DSP: variants seen among roughly 807,000 people sequenced by gnomAD.
The protein encoded by DSP is desmoplakin.
Under a neutral mutation model 290.6 loss-of-function variants are expected in DSP, and 114 were observed. The ratio of observed to expected loss-of-function variants is 0.39; its 90% CI spans 0.34 to 0.46. DSP has a LOEUF of 0.46. Ranked by LOEUF, DSP falls within the 20% of genes least tolerant of loss-of-function variation. The probability of loss-of-function intolerance (pLI) is 0.99; values close to 1 mark genes in which losing one functional copy is unlikely to be tolerated. For synonymous variants in DSP, 1,311 were observed against 1,316.4 expected, an observed-to-expected ratio of 1.00 and a Z score of 0.09; for missense variants, 3,230 against 3,495.8, an observed-to-expected ratio of 0.92 and a Z score of 1.92.
At position 7,584,030 on chromosome 6, in the gene DSP, T is replaced by C. The variant is rs1249843517; in HGVS notation, c.6768T>C (p.Gly2256=). The change falls in exon 24 of 24, where the codon GGT becomes GGC. Residue 2256 remains glycine, a synonymous_variant. Transcript: ENST00000379802. This position sits in a 1 kb window ranked among gnomAD's most constrained non-coding sequence, Gnocchi z 6.4. ...AGAGAATTAAGGACTTCCTCCAGGG[T>C]TCAAGCTGCATAGCAGGCATATACA... ...VGERIKDFLQ[G]SSCIAGIYNE... 1.2e-6 allele frequency: 2 copies of C among 1,614,102 alleles called. No homozygotes were observed. Among genetic ancestry groups the C allele is most frequent in the Non-Finnish European group, 1.7e-6 (2 of 1,180,008 alleles).
At chr6:7,558,507 C>CT (rs145193988) in intron 3 of DSP, among the ~76,000 whole-genome samples, 4,931 of 104,436 alleles carry the variant, frequency 0.047, 158 homozygotes, top group South Asian at 0.061. Flanking sequence ...TGGCATTTGA[C>CT]TTTTTTTTTT....
intron 6 of DSP, 115 bp downstream of exon 6, chr6:7,563,901 T>C (rs1014241748): frequency 1.3e-5 from 12 of 927,364 alleles, no homozygotes; most frequent in Non-Finnish European, 2.0e-5. Context: ...ATGCTAATGT[T>C]GTTGCTGCTG....
In DSP at chr6:7,586,097, T is replaced by C; in HGVS notation, c.*219T>C. On this transcript the variant is annotated 3_prime_UTR_variant, in exon 24 of 24. Coordinates refer to ENST00000379802, the MANE Select transcript of DSP (RefSeq NM_004415.4). ...AAGCAGTACACTTGGATGCAGTGCGTCTGAAGTGCTAATCAGTTGTAACAA... is the reference window on the plus strand; with the variant it reads ...AAGCAGTACACTTGGATGCAGTGCGCCTGAAGTGCTAATCAGTTGTAACAA... 1 of 556,810 alleles carries C rather than the reference T, an allele frequency of 1.8e-6. No individual in the cohort carries two copies. The highest frequency in any genetic ancestry group is 2.2e-5 in the South Asian group (1 of 44,950). 34.5% of individuals were successfully genotyped at this position (556,810 alleles called of 1,614,324 possible).
intron 1 of DSP, among the ~76,000 whole-genome samples, chr6:7,553,183 T>A (rs945114243): frequency 6.6e-6 from 1 of 152,202 alleles, no homozygotes; most frequent in Non-Finnish European, 1.5e-5. Flanking sequence ...TTGCCCAGGC[T>A]AGTCTTGAAC....
Position 7,580,925 on chromosome 6 carries a change from C to T in DSP, c.4735C>T (p.Arg1579Trp), listed in dbSNP as rs755868373. 16 of 1,614,010 alleles carry T rather than the reference C, an allele frequency of 9.9e-6. No individual in the cohort carries two copies. Among genetic ancestry groups the T allele is most frequent in the African/African-American group, 1.3e-5 (1 of 74,934 alleles). The change falls in exon 23 of 24, where the codon CGG (arginine) becomes TGG (tryptophan). Residue 1579 changes from arginine (R) to tryptophan (W), a missense_variant. Around this residue, in one of 5 missense-constraint regions of DSP, gnomAD observed 1,714 missense variants for 1,844.5 expected, o/e 0.93. Coordinates refer to ENST00000379802, the MANE Select transcript of DSP (RefSeq NM_004415.4). This position sits in a 1 kb window ranked among gnomAD's most constrained non-coding sequence, Gnocchi z 4.2. ...QKQKVEEELN[R>W]LKRTASEDSC... The stretch of plus-strand genomic sequence containing the variant: ...GCAGAAGGTGGAAGAGGAGCTGAAT[C>T]GGCTGAAGAGGACCGCGTCAGAAGA...
At position 7,562,677 on chromosome 6, in the gene DSP, G is replaced by T; in HGVS notation, c.623G>T (p.Gly208Val). 1 of 1,614,138 alleles carries T rather than the reference G, an allele frequency of 6.2e-7. No individual in the cohort carries two copies. Among genetic ancestry groups the T allele is most frequent in the Non-Finnish European group, 8.5e-7 (1 of 1,180,026 alleles). ...QRAEMDMVAW[G>V]VDLASVEQHI... Reference sequence around the variant, plus strand: ...GCGGAGATGGACATGGTGGCCTGGGGTGTGGACCTGGCCTCAGTGGAGCAG... The same window carrying T: ...GCGGAGATGGACATGGTGGCCTGGGTTGTGGACCTGGCCTCAGTGGAGCAG... Residue 208 changes from glycine to valine, a missense_variant, in exon 5 of 24, where the codon GGT (glycine) becomes GTT (valine). Gly to Val is a moderately radical substitution (Grantham distance 109, BLOSUM62 -3). Coordinates refer to ENST00000379802, the MANE Select transcript of DSP (RefSeq NM_004415.4).
chr6:7,561,690 C>A (rs1758699430), intron 4 of DSP, among the ~76,000 whole-genome samples: 1 of 152,168 alleles, frequency 6.6e-6, no homozygotes, highest in South Asian at 2.1e-4. Context: ...GGGTCAAAGT[C>A]CCGGGTAACC....
chr6:7,585,037 A>G lies in DSP; in HGVS notation c.7775A>G (p.Lys2592Arg). The change falls in exon 24 of 24, where the codon AAG becomes AGG. Residue 2592 changes from lysine (K) to arginine (R), a missense_variant. This residue lies in a region of DSP where 582 missense variants were observed against 555.4 expected (regional missense o/e 1.05). Transcript: ENST00000379802. Reference sequence around the variant, plus strand: ...AGCTCCCGACATGAATCAGTAAGTAAGATTTCCACCATATCCAGCGTCAGG... The same window carrying G: ...AGCTCCCGACATGAATCAGTAAGTAGGATTTCCACCATATCCAGCGTCAGG... ...FSSSRHESVS[K>R]ISTISSVRNL... is the part of the protein sequence containing the mutation. 6.2e-7 allele frequency: 1 copy of G among 1,614,212 alleles called. No individual in the cohort carries two copies. Among genetic ancestry groups the G allele is most frequent in the Non-Finnish European group, 8.5e-7 (1 of 1,180,032 alleles).
chr6:7,563,601 A>G lies in DSP; in HGVS notation c.727-135A>G, dbSNP rs578039592. The G allele has an allele frequency of 2.5e-5, 20 of 787,578 alleles. No homozygotes were observed. In the East Asian group the frequency reaches 5.0e-4, roughly 20 times the overall value. 48.8% of individuals were successfully genotyped at this position (787,578 alleles called of 1,614,324 possible). A position where few individuals can be genotyped will look rare whatever the true frequency, so the allele number is the denominator to read the frequency against. ...AAAGTCCCCATGGGTGAAATATCTC[A>G]TAGAGCTAGTAATTCTTTCTTTCTA... On this transcript the variant is annotated intron_variant, in intron 5 of 23. Transcript: ENST00000379802.
Position 7,582,822 on chromosome 6 carries a change from G to A in DSP, c.5560G>A (p.Glu1854Lys). Residue 1854 changes from glutamate to lysine, a missense_variant, in exon 24 of 24, where the codon GAG becomes AAG. Glu to Lys is a moderately conservative substitution (Grantham distance 56). Around this residue, in one of 5 missense-constraint regions of DSP, gnomAD observed 1,714 missense variants for 1,844.5 expected, o/e 0.93. Coordinates refer to ENST00000379802, the MANE Select transcript of DSP (RefSeq NM_004415.4). The surrounding 1 kb of genome is among the most constrained non-coding windows in gnomAD (Gnocchi z 4.2). Reference sequence around the variant, plus strand: ...AGAAACCAGGGTGAAACAGCGCCTGGAGTGTGAGAAACAGCAAATTCAGAA... The same window carrying A: ...AGAAACCAGGGTGAAACAGCGCCTGAAGTGTGAGAAACAGCAAATTCAGAA... ...EAETRVKQRLECEKQQIQNDL... is the reference protein window; with the variant it reads ...EAETRVKQRLKCEKQQIQNDL... 3 of 1,614,144 alleles carry A rather than the reference G, an allele frequency of 1.9e-6. No homozygotes were observed. Among genetic ancestry groups the A allele is most frequent in the Non-Finnish European group, 2.5e-6 (3 of 1,180,044 alleles).
At position 7,583,717 on chromosome 6, in the gene DSP, G is replaced by A; in HGVS notation, c.6455G>A (p.Gly2152Glu). Residue 2152 changes from glycine (G) to glutamate (E), a missense_variant, in exon 24 of 24, where the codon GGG (glycine) becomes GAG (glutamate). Gly to Glu is a moderately conservative substitution (Grantham distance 98). Transcript: ENST00000379802. This position sits in a 1 kb window ranked among gnomAD's most constrained non-coding sequence, Gnocchi z 4.0. Reference sequence around the variant, plus strand: ...CCAAAAGATGTCGCCTTGGCCCGGGGGCTGATTGATAGAGATTTGTATCGA... The same window carrying A: ...CCAAAAGATGTCGCCTTGGCCCGGGAGCTGATTGATAGAGATTTGTATCGA... ...FLPKDVALAR[G>E]LIDRDLYRSL... 6.2e-7 allele frequency: 1 copy of A among 1,614,068 alleles called. No individual in the cohort carries two copies. The highest frequency in any genetic ancestry group is 8.5e-7 in the Non-Finnish European group (1 of 1,180,018).
At chr6:7,551,775 T>A (rs969949163) in intron 1 of DSP, among the ~76,000 whole-genome samples, 1 of 152,202 alleles carries the variant, frequency 6.6e-6, no homozygotes, top group Non-Finnish European at 1.5e-5. Flanking sequence ...TCCTCCCTGA[T>A]TAAGTACAGC....
chr6:7,583,518 A>G lies in DSP; in HGVS notation c.6256A>G (p.Ile2086Val). Residue 2086 changes from isoleucine to valine, a missense_variant, in exon 24 of 24, where the codon ATA becomes GTA. This residue lies in a region of DSP where 1,714 missense variants were observed against 1,844.5 expected (regional missense o/e 0.93). Transcript: ENST00000379802. The surrounding 1 kb of genome is among the most constrained non-coding windows in gnomAD (Gnocchi z 4.0). Reference sequence around the variant, plus strand: ...CATTGACTTCGATGACCGTCAGCAGATATATGCAGCAGAAAAAGCTATCAC... The same window carrying G: ...CATTGACTTCGATGACCGTCAGCAGGTATATGCAGCAGAAAAAGCTATCAC... Reference protein sequence around the residue: ...DLIDFDDRQQIYAAEKAITGF... With the variant: ...DLIDFDDRQQVYAAEKAITGF... The G allele has an allele frequency of 6.2e-7, 1 of 1,614,182 alleles. No individual in the cohort carries two copies. Among genetic ancestry groups the G allele is most frequent in the Non-Finnish European group, 8.5e-7 (1 of 1,180,038 alleles).
chr6:7,585,910 C>G lies in DSP; in HGVS notation c.*32C>G. 6.3e-7 allele frequency: 1 copy of G among 1,594,650 alleles called. No homozygotes were observed. The highest frequency in any genetic ancestry group is 8.6e-7 in the Non-Finnish European group (1 of 1,164,562). On this transcript the variant is annotated 3_prime_UTR_variant, in exon 24 of 24. Transcript: ENST00000379802. Reference sequence around the variant, plus strand: ...GTTGGGAGTGGTTGCTATACCTTGACTTCATTTATATGAATTTCCACTTTA... The same window carrying G: ...GTTGGGAGTGGTTGCTATACCTTGAGTTCATTTATATGAATTTCCACTTTA...
intron 1 of DSP, among the ~76,000 whole-genome samples, chr6:7,552,988 T>G (rs1758388785): frequency 6.6e-6 from 1 of 152,250 alleles, no homozygotes; most frequent in Non-Finnish European, 1.5e-5. Flanking sequence ...GTATGTACAC[T>G]TCGGTGCGTT....
intron 20 of DSP, 65 bp from the exon 21 acceptor site, chr6:7,577,714 G>C (rs1158414082): frequency 2.6e-5 from 33 of 1,260,246 alleles, no homozygotes; most frequent in Non-Finnish European, 9.3e-6. Flanking sequence ...CTGTGGAACT[G>C]TAGCTGTTAG....
At chr6:7,560,955 C>CT (rs3837025) in intron 4 of DSP, among the ~76,000 whole-genome samples, 9,492 of 144,876 alleles carry the variant, frequency 0.066, 681 homozygotes, top group African/African-American at 0.17. Context: ...ATGTCATTTT[C>CT]TTTTTTTTTT....
chr6:7,570,740 A>G (rs902219228), intron 13 of DSP, among the ~76,000 whole-genome samples, 177 bp downstream of exon 13: 2 of 152,184 alleles, frequency 1.3e-5, no homozygotes, highest in African/African-American at 2.4e-5. Flanking sequence ...AGGAGGGATT[A>G]GCATATGGCT....
intron 15 of DSP, among the ~76,000 whole-genome samples, chr6:7,572,357 A>G (rs542347178): frequency 6.6e-6 from 1 of 152,306 alleles, no homozygotes; most frequent in African/African-American, 2.4e-5. Context: ...GATATGGGTT[A>G]GACAGGGGGA....
Sources: gnomAD v4.1 joint callset for allele counts (sites outside exome capture counted in the v4.1 genomes callset) on GRCh38, gnomAD v4.1.1 for gene constraint, gnomAD v4.1.1 regional missense constraint, Gnocchi (gnomAD v3.1) non-coding constraint, MANE v1.5 for transcripts, NCBI Gene and HGNC (gene_info 2026-07-23, HGNC 2026-07-21) for gene names.